Variants in UFSP2 observed in about 807,000 individuals in gnomAD.
The protein encoded by UFSP2 is UFM1 specific peptidase 2.
Under a neutral mutation model 60.2 loss-of-function variants are expected in UFSP2, and 43 were observed. That is an observed-to-expected ratio of 0.71 (90% CI 0.56 to 0.92). The LOEUF (loss-of-function observed/expected upper bound fraction) is 0.92. Ranked by LOEUF, UFSP2 falls within the 40% of genes least tolerant of loss-of-function variation. The probability of loss-of-function intolerance (pLI) is 0.00; values close to 1 mark genes in which losing one functional copy is unlikely to be tolerated. For missense variants in UFSP2, 520 were observed against 575.0 expected, an observed-to-expected ratio of 0.90 and a Z score of 0.98; for synonymous variants, 183 against 195.1, an observed-to-expected ratio of 0.94 and a Z score of 0.52.
intron 2 of UFSP2, among the ~76,000 whole-genome samples, chr4:185,421,720 C>T (rs745927880): frequency 6.6e-6 from 1 of 152,198 alleles, no homozygotes; most frequent in African/African-American, 2.4e-5. Flanking sequence ...AGATGCAAAA[C>T]AGACTAATAC....
Position 185,400,370 on chromosome 4 carries a change from C to G in UFSP2, c.*22G>C, listed in dbSNP as rs376252704. 1.8e-5 allele frequency: 28 copies of G among 1,526,362 alleles called. No individual in the cohort carries two copies. The African/African-American group carries it at 3.7e-4, about 20-fold the overall frequency. The allele number at this position is 1,526,362 out of a possible 1,614,324, so 94.6% of individuals were successfully genotyped here. On this transcript the variant is annotated 3_prime_UTR_variant, in exon 12 of 12. Transcript: ENST00000264689. ...ACAAATTTATAATACCACTCTACTG[C>G]AGTCTTTGACTCCAAGATATTTTAA... is the stretch of plus-strand genomic sequence containing the variant.
rs545869392 is a variant in UFSP2, at chr4:185,409,793, C to A, written c.832-1358G>T. Among the ~76,000 whole-genome samples the A allele has an allele frequency of 5.3e-5, 8 of 152,206 alleles. No homozygotes were observed. The South Asian group carries it at 1.7e-3, about 32-fold the overall frequency. ...CCTGGATCCTAGTGTGCCCTAAATGCAATCACATATATTCTTAAAAGAGAG... is the reference window on the plus strand; with the variant it reads ...CCTGGATCCTAGTGTGCCCTAAATGAAATCACATATATTCTTAAAAGAGAG... On this transcript the variant is annotated intron_variant, in intron 7 of 11. Transcript: ENST00000264689.
chr4:185,400,726 G>A, intron 11 of UFSP2: 1 of 356,312 alleles, frequency 2.8e-6, no homozygotes, highest in Non-Finnish European at 5.0e-6. Flanking sequence ...ACCTGTAACT[G>A]TTATTCCAGA....
intron 4 of UFSP2, among the ~76,000 whole-genome samples, chr4:185,418,005 C>G (rs1360929736): frequency 7.2e-6 from 1 of 139,752 alleles, no homozygotes; most frequent in Non-Finnish European, 1.5e-5. Context: ...GATCGTGCCA[C>G]TGCACTCCAG....
chr4:185,421,728 T>C (rs1483125030), intron 2 of UFSP2, among the ~76,000 whole-genome samples: 1 of 152,198 alleles, frequency 6.6e-6, no homozygotes, highest in African/African-American at 2.4e-5. Context: ...AACAGACTAA[T>C]ACAGTACTTT....
chr4:185,404,045 C>T (rs1277490640), intron 10 of UFSP2, among the ~76,000 whole-genome samples: 1 of 150,544 alleles, frequency 6.6e-6, no homozygotes, highest in African/African-American at 2.4e-5. Flanking sequence ...CTACCCTACA[C>T]TATAAAAGAC....
chr4:185,422,189 G>A (rs1182431441), intron 2 of UFSP2, among the ~76,000 whole-genome samples: 1 of 152,190 alleles, frequency 6.6e-6, no homozygotes, highest in Non-Finnish European at 1.5e-5. Flanking sequence ...AATTCTCGAC[G>A]CACATTTACA....
chr4:185,410,668 C>T (rs1037784000), intron 7 of UFSP2, among the ~76,000 whole-genome samples: 6 of 145,152 alleles, frequency 4.1e-5, no homozygotes, highest in African/African-American at 7.7e-5. Context: ...AAGATTAGGC[C>T]GGGCGCAGTG....
At position 185,415,777 on chromosome 4, in the gene UFSP2, G is replaced by C; in HGVS notation, c.424C>G (p.His142Asp). The C allele has an allele frequency of 2.5e-6, 4 of 1,613,624 alleles. No individual in the cohort carries two copies. The highest frequency in any genetic ancestry group is 3.4e-6 in the Non-Finnish European group (4 of 1,179,616). Residue 142 changes from histidine to aspartate, a missense_variant, in exon 5 of 12, where the codon CAT becomes GAT. His to Asp is a moderately conservative substitution (Grantham distance 81). Transcript: ENST00000264689. Reference sequence around the variant, plus strand: ...ACAGGTAAAGTCATATTAACATAATGGTGTCCTCCGCTTTCCCTTTCAATG... The same window carrying C: ...ACAGGTAAAGTCATATTAACATAATCGTGTCCTCCGCTTTCCCTTTCAATG... ...PIIERESGGH[H>D]YVNMTLPVDA...
chr4:185,405,793 A>C lies in UFSP2; in HGVS notation c.1185T>G (p.Thr395=), dbSNP rs371827942. 2.4e-4 allele frequency: 386 copies of C among 1,614,096 alleles called. 1 individual carries two copies. Among genetic ancestry groups the C allele is most frequent in the Non-Finnish European group, 3.0e-4 (353 of 1,179,982 alleles). The change falls in exon 10 of 12, where the codon ACT becomes ACG. Residue 395 remains threonine, a synonymous_variant. Transcript: ENST00000264689. ...ELANHFQSEG[T]PVMIGGGVLA... ...GAAACAGCTTACCGATCATAACTGG[A>C]GTTCCTTCACTTTGGAAATGATTAG...
intron 7 of UFSP2, 27 bp downstream of exon 7, chr4:185,413,699 C>A: frequency 1.3e-6 from 2 of 1,588,522 alleles, no homozygotes; most frequent in Non-Finnish European, 1.7e-6. Flanking sequence ...GATCCAGTGA[C>A]TCCCATAAAT....
At chr4:185,417,578 G>A (rs754138394) in intron 4 of UFSP2, among the ~76,000 whole-genome samples, 6 of 151,972 alleles carry the variant, frequency 3.9e-5, no homozygotes, top group African/African-American at 1.2e-4. Flanking sequence ...AGAGGCCCAC[G>A]CCCACCTCTC....
chr4:185,403,779 C>T (rs2095516123), intron 10 of UFSP2, among the ~76,000 whole-genome samples, 161 bp from the exon 11 acceptor site: 1 of 151,832 alleles, frequency 6.6e-6, no homozygotes, highest in Non-Finnish European at 1.5e-5. Flanking sequence ...TGGAGACCAT[C>T]CTGGCTAATG....
At position 185,408,003 on chromosome 4, in the gene UFSP2, C is replaced by T. The variant is rs1319635811; in HGVS notation, c.1054G>A (p.Gly352Arg). ...AGTACCAGCTGCACCTCAATAGATC[C>T]AATCCATTGCCGCGATCCGACAAAT... Reference protein sequence around the residue: ...ATFVGSRQWIGSIEVQLVLNQ... With the variant: ...ATFVGSRQWIRSIEVQLVLNQ... The change falls in exon 9 of 12, where the codon GGA becomes AGA. Residue 352 changes from glycine (G) to arginine (R), a missense_variant. By Grantham distance (125) the Gly-to-Arg change is moderately radical. Transcript: ENST00000264689. 6.2e-7 allele frequency: 1 copy of T among 1,613,754 alleles called. No individual in the cohort carries two copies. The highest frequency in any genetic ancestry group is 8.5e-7 in the Non-Finnish European group (1 of 1,179,700).
Position 185,405,004 on chromosome 4 carries a change from T to TC in UFSP2, c.1198+775_1198+776insG, listed in dbSNP as rs1203760790. Reference sequence around the variant, plus strand: ...CTGACATCAGCCTACCTCCATTTCTTTTTTTTTTTTTTTTCTTTTGAGACA... The same window carrying TC: ...CTGACATCAGCCTACCTCCATTTCTTCTTTTTTTTTTTTTTCTTTTGAGACA... On this transcript the variant is annotated intron_variant, in intron 10 of 11. Coordinates refer to ENST00000264689, the MANE Select transcript of UFSP2 (RefSeq NM_018359.5). Among the ~76,000 whole-genome samples, 13 of 146,886 alleles carry TC rather than the reference T, an allele frequency of 8.9e-5. No homozygotes were observed. The East Asian group carries it at 2.6e-3, about 29-fold the overall frequency.
At chr4:185,408,552 A>T in intron 7 of UFSP2, 117 bp from the exon 8 acceptor site, 1 of 1,075,242 alleles carries the variant, frequency 9.3e-7, no homozygotes, top group Non-Finnish European at 1.3e-6. Flanking sequence ...TTAGTTCCTT[A>T]TAAAAATGCC....
rs2095551292 is a variant in UFSP2, at chr4:185,422,521, C to A, written c.46G>T (p.Gly16Cys). Residue 16 changes from glycine (G) to cysteine (C), a missense_variant, in exon 2 of 12, where the codon GGC (glycine) becomes TGC (cysteine). By Grantham distance (159) the Gly-to-Cys change is radical. Transcript: ENST00000264689. ...SMDILFRIRGGLDLAFQLATP... is the reference protein window; with the variant it reads ...SMDILFRIRGCLDLAFQLATP... ...GCTAGCTGAAAAGCCAAATCAAGGC[C>A]TCCTCTTATTCTGAAGAGTATATCC... The A allele has an allele frequency of 1.2e-6, 2 of 1,611,610 alleles. No homozygotes were observed.
At chr4:185,401,562 TG>T (rs1470805215) in intron 11 of UFSP2, among the ~76,000 whole-genome samples, 3 of 152,150 alleles carry the variant, frequency 2.0e-5, no homozygotes, top group Non-Finnish European at 4.4e-5. Context: ...ATGACCAGCA[TG>T]GGAACTTCAA....
intron 7 of UFSP2, among the ~76,000 whole-genome samples, chr4:185,410,085 A>G: frequency 6.6e-6 from 1 of 152,210 alleles, no homozygotes; most frequent in East Asian, 1.9e-4. Context: ...AATAAATTTC[A>G]GAGTTAGTTT....
Sources: allele counts gnomAD v4.1 joint callset (sites outside exome capture counted in the v4.1 genomes callset), GRCh38; gene constraint gnomAD v4.1.1; transcripts MANE v1.5; gene names NCBI Gene and HGNC (gene_info 2026-07-23, HGNC 2026-07-21).